NLRP2: variants seen among roughly 807,000 people sequenced by gnomAD.
NLRP2 encodes the protein NLR family pyrin domain containing 2.
NLRP2 carries 107 observed loss-of-function variants against 97.2 expected under a neutral mutation model. That is an observed-to-expected ratio of 1.10 (90% CI 0.94 to 1.29). The LOEUF is 1.29. Among genes scored for constraint, NLRP2 ranks in the 50% most tolerant of loss-of-function variants. The pLI is 0.00. For synonymous variants in NLRP2, 663 were observed against 551.5 expected, an observed-to-expected ratio of 1.20 and a Z score of -2.83; for missense variants, 1,495 against 1,330.3, an observed-to-expected ratio of 1.12 and a Z score of -1.93.
At chr19:54,990,723 C>T (rs1245937495) in intron 10 of NLRP2, 51 bp downstream of exon 10, 9 of 1,596,528 alleles carry the variant, frequency 5.6e-6, no homozygotes, top group Non-Finnish European at 6.9e-6. Flanking sequence ...CACACGCCCC[C>T]CACCTCCGGG....
chr19:54,993,962 G>T, intron 10 of NLRP2: 1 of 481,604 alleles, frequency 2.1e-6, no homozygotes, highest in Non-Finnish European at 3.8e-6. Flanking sequence ...TGCTGGCTTT[G>T]ACTCTCAGCT....
intron 12 of NLRP2, among the ~76,000 whole-genome samples, chr19:54,997,746 C>T (rs1192470808): frequency 6.6e-6 from 1 of 151,746 alleles, no homozygotes; most frequent in Non-Finnish European, 1.5e-5. Context: ...TGAGCAACCG[C>T]ACCCGGCCAC....
At chr19:54,998,025 CTTTTTTTTTTT>C (rs757893808) in intron 12 of NLRP2, among the ~76,000 whole-genome samples, 1 of 127,296 alleles carries the variant, frequency 7.9e-6, no homozygotes, top group Non-Finnish European at 1.6e-5. Context: ...TTTTTTCTTT[CTTTTTTTTTTT>C]TTTTTTCTGA....
In NLRP2 at chr19:54,986,135, G is replaced by T. The variant is rs139137616; in HGVS notation, c.2202-16G>T. 1.3e-6 allele frequency: 2 copies of T among 1,599,618 alleles called. No homozygotes were observed. The highest frequency in any genetic ancestry group is 2.2e-5 in the East Asian group (1 of 44,860). On this transcript the variant is annotated splice_polypyrimidine_tract_variant and intron_variant, in intron 7 of 12. Transcript: ENST00000448584. ...TGTACACACTAAAGATTTCACTTTC[G>T]TTCTCTTTTCCCTAGGTTCAAAAAC...
intron 8 of NLRP2, among the ~76,000 whole-genome samples, chr19:54,987,739 CAAAA>C (rs146853071): frequency 8.3e-6 from 1 of 120,232 alleles, no homozygotes; most frequent in African/African-American, 2.9e-5. Flanking sequence ...GAGACTGTCT[CAAAA>C]AAAAAAAAAA....
At chr19:54,966,573 T>G (rs1160988225) in intron 1 of NLRP2, 106 bp downstream of exon 1, 1 of 152,098 alleles carries the variant, frequency 6.6e-6, no homozygotes, top group Non-Finnish European at 1.5e-5. Context: ...TGAGACGGAG[T>G]CTCGCTCTGT....
chr19:54,968,017 C>T (rs1427351904), intron 1 of NLRP2, among the ~76,000 whole-genome samples: 1 of 150,068 alleles, frequency 6.7e-6, no homozygotes, highest in Non-Finnish European at 1.5e-5. Flanking sequence ...CTCCCAGGTT[C>T]AAGCAATTCT....
In NLRP2 at chr19:54,990,124, T is replaced by G. The variant is rs763477837; in HGVS notation, c.2469T>G (p.Leu823=). The change falls in exon 9 of 13, where the codon CTT becomes CTG. Residue 823 remains leucine (L), a synonymous_variant. Coordinates refer to ENST00000448584, the MANE Select transcript of NLRP2 (RefSeq NM_017852.5). ...GCGTAAACCTCTCCGACAATGAGCT[T>G]CTGGATGAGGGTGCTAAGTTGCTGT... ...LTCVNLSDNE[L]LDEGAKLLYT... The G allele has an allele frequency of 2.5e-6, 4 of 1,614,132 alleles. No individual in the cohort carries two copies. In the East Asian group the frequency reaches 8.9e-5, roughly 36 times the overall value.
chr19:54,984,500 T>TTTTTTTTTTTTTTTTA (rs764786892), intron 6 of NLRP2, among the ~76,000 whole-genome samples: 1 of 132,852 alleles, frequency 7.5e-6, no homozygotes, highest in African/African-American at 2.9e-5. Context: ...TTTTTTTTTT[T>TTTTTTTTTTTTTTTTA]GAGACGGAGT....
At chr19:54,992,785 C>T (rs1167103850) in intron 10 of NLRP2, among the ~76,000 whole-genome samples, 2 of 151,894 alleles carry the variant, frequency 1.3e-5, no homozygotes, top group African/African-American at 2.4e-5. Context: ...TCTCGAATTC[C>T]TGACCTCAGG....
chr19:54,978,349 C>G (rs1222366706), intron 4 of NLRP2, among the ~76,000 whole-genome samples: 1 of 151,698 alleles, frequency 6.6e-6, no homozygotes, highest in East Asian at 1.9e-4. Context: ...ATTGTCCTGT[C>G]TCAGCCTCCT....
At chr19:54,967,208 C>T (rs1483348738) in intron 1 of NLRP2, among the ~76,000 whole-genome samples, 1 of 152,082 alleles carries the variant, frequency 6.6e-6, no homozygotes, top group Non-Finnish European at 1.5e-5. Context: ...TTCTGCCTGT[C>T]TCAGTGGCTC....
chr19:54,999,367 G>C (rs1041259636), intron 12 of NLRP2, among the ~76,000 whole-genome samples: 5 of 152,008 alleles, frequency 3.3e-5, no homozygotes, highest in African/African-American at 1.2e-4. Context: ...GGCTGGTCTC[G>C]AACTCCTGAC....
chr19:54,976,535 CAG>C (rs1568478998), intron 3 of NLRP2, among the ~76,000 whole-genome samples: 1 of 147,816 alleles, frequency 6.8e-6, no homozygotes, highest in Non-Finnish European at 1.5e-5. Context: ...TTAGTAGAGA[CAG>C]GGTTTCACCA....
At chr19:55,000,212 G>GGTTGCAGT (rs1332918571) in intron 12 of NLRP2, among the ~76,000 whole-genome samples, 1 of 145,142 alleles carries the variant, frequency 6.9e-6, no homozygotes, top group Non-Finnish European at 1.5e-5. Flanking sequence ...AAGAGGCACA[G>GGTTGCAGT]GTTGCAGTGA....
chr19:54,980,995 C>T (rs758175133), intron 4 of NLRP2, among the ~76,000 whole-genome samples: 2 of 152,086 alleles, frequency 1.3e-5, no homozygotes, highest in African/African-American at 4.8e-5. Flanking sequence ...CCTGTAATTC[C>T]AGTTACTTGG....
chr19:54,981,078 T>C (rs2071539133), intron 4 of NLRP2, among the ~76,000 whole-genome samples: 1 of 151,402 alleles, frequency 6.6e-6, no homozygotes, highest in South Asian at 2.1e-4. Context: ...GCCACTGCAC[T>C]CCAGCCTGGG....
Position 54,983,792 on chromosome 19 carries a change from G to A in NLRP2, c.2030+64G>A, listed in dbSNP as rs141329440. On this transcript the variant is annotated intron_variant, in intron 6 of 12. Transcript: ENST00000448584. Reference sequence around the variant, plus strand: ...GCCTCATCCCATGCCCCCTTAGGAAGAGGCCAGAGCCTCCTATGCACTGTG... The same window carrying A: ...GCCTCATCCCATGCCCCCTTAGGAAAAGGCCAGAGCCTCCTATGCACTGTG... 4.9e-3 allele frequency: 7,872 copies of A among 1,595,440 alleles called. 501 individuals are homozygous for A. In the Admixed American group the frequency reaches 0.11, roughly 23 times the overall value.
At chr19:54,998,620 T>C (rs1602453301) in intron 12 of NLRP2, among the ~76,000 whole-genome samples, 1 of 131,454 alleles carries the variant, frequency 7.6e-6, no homozygotes, top group Non-Finnish European at 1.6e-5. Context: ...TCTTTTTTTT[T>C]TTTTTTTTTC....
Sources: allele counts gnomAD v4.1 joint callset (sites outside exome capture counted in the v4.1 genomes callset), GRCh38; gene constraint gnomAD v4.1.1; transcripts MANE v1.5; gene names NCBI Gene and HGNC (gene_info 2026-07-23, HGNC 2026-07-21).